RBFOX1: variants seen among roughly 807,000 people sequenced by gnomAD.
RBFOX1 encodes RNA binding fox-1 homolog 1.
A neutral mutation model predicts 57.7 loss-of-function variants in RBFOX1; 8 were observed. The ratio of observed to expected loss-of-function variants is 0.14; its 90% CI spans 0.08 to 0.25. RBFOX1 has a LOEUF of 0.25. Ranked by LOEUF, RBFOX1 falls within the 10% of genes least tolerant of loss-of-function variation. The pLI is 1.00. For synonymous variants in RBFOX1, 326 were observed against 222.4 expected (o/e 1.47, Z -4.15); for missense variants, 611 against 548.5 (o/e 1.11, Z -1.14).
intron 2 of RBFOX1, among the ~76,000 whole-genome samples, chr16:5,536,130 G>C (rs117191155): frequency 0.012 from 1,623 of 133,968 alleles, 16 homozygotes; most frequent in Non-Finnish European, 0.02. Flanking sequence ...TTATTTAACA[G>C]TTCTTACCTC....
chr16:5,526,679 G>A (rs1336878680), intron 2 of RBFOX1, among the ~76,000 whole-genome samples: 2 of 152,138 alleles, frequency 1.3e-5, no homozygotes, highest in Non-Finnish European at 1.5e-5. Context: ...GCCCAGGTCT[G>A]TTATGTTGCA....
At position 7,192,873 on chromosome 16, in the gene RBFOX1, C is replaced by G. The variant is rs537640661; in HGVS notation, c.27+140775C>G. Among the ~76,000 whole-genome samples, 3 of 152,292 alleles carry G rather than the reference C, an allele frequency of 2.0e-5. No homozygotes were observed. The South Asian group carries it at 6.2e-4, about 32-fold the overall frequency. On this transcript the variant is annotated intron_variant, in intron 4 of 15. Coordinates refer to ENST00000550418, the MANE Select transcript of RBFOX1 (RefSeq NM_018723.4). The stretch of plus-strand genomic sequence containing the variant: ...GAAGATGAAGTCCGAGGATCATGTG[C>G]TTACAACATTGTTACTTCGCCAGTC...
At chr16:6,105,580 A>G (rs1392508359) in intron 1 of RBFOX1, among the ~76,000 whole-genome samples, 1 of 152,198 alleles carries the variant, frequency 6.6e-6, no homozygotes, top group South Asian at 2.1e-4. Context: ...CTAAACTTCT[A>G]TGGTTATTTT....
At chr16:5,469,095 G>T (rs947016248) in intron 2 of RBFOX1, among the ~76,000 whole-genome samples, 11 of 152,222 alleles carry the variant, frequency 7.2e-5, no homozygotes, top group Admixed American at 2.6e-4. Flanking sequence ...GTGGGTACTA[G>T]AGCGGGCAAG....
chr16:5,779,762 G>A (rs1030609450), intron 3 of RBFOX1, among the ~76,000 whole-genome samples: 4 of 152,158 alleles, frequency 2.6e-5, no homozygotes, highest in Non-Finnish European at 5.9e-5. Flanking sequence ...AGAATACCCT[G>A]ATAATGAGGT....
intron 3 of RBFOX1, among the ~76,000 whole-genome samples, chr16:7,029,082 A>ATATATATATG (rs2041963872): frequency 1.8e-4 from 1 of 5,682 alleles, no homozygotes; most frequent in African/African-American, 9.3e-4. Flanking sequence ...ATATATATAT[A>ATATATATATG]CACACACACA....
At chr16:7,539,373 C>T (rs999444408) in intron 5 of RBFOX1, among the ~76,000 whole-genome samples, 2 of 152,098 alleles carry the variant, frequency 1.3e-5, no homozygotes, top group Non-Finnish European at 2.9e-5. Flanking sequence ...AGCCAGGTGT[C>T]CCTCATCTCT....
At chr16:6,880,099 C>T (rs190384739) in intron 3 of RBFOX1, among the ~76,000 whole-genome samples, 166 of 152,246 alleles carry the variant, frequency 1.1e-3, no homozygotes, top group Non-Finnish European at 1.9e-3. Flanking sequence ...TCCTGAGAGT[C>T]CCCTGACCTT....
intron 8 of RBFOX1, among the ~76,000 whole-genome samples, chr16:7,595,933 A>G (rs894174752): frequency 4.0e-5 from 6 of 151,586 alleles, no homozygotes; most frequent in South Asian, 2.1e-4. Flanking sequence ...TTTATAATCA[A>G]TGGGTGCAGT....
chr16:6,256,056 A>G (rs2097659276), intron 1 of RBFOX1, among the ~76,000 whole-genome samples: 1 of 149,732 alleles, frequency 6.7e-6, no homozygotes, highest in Non-Finnish European at 1.5e-5. Context: ...AGTTAAATAA[A>G]TAAGTAAATA....
chr16:5,891,382 C>A (rs777005851), intron 4 of RBFOX1, among the ~76,000 whole-genome samples: 3 of 152,168 alleles, frequency 2.0e-5, no homozygotes, highest in Non-Finnish European at 2.9e-5. Context: ...CCAAAACAAG[C>A]GCCTTCTATG....
chr16:7,015,259 C>T (rs2153662424), intron 3 of RBFOX1, among the ~76,000 whole-genome samples: 1 of 152,210 alleles, frequency 6.6e-6, no homozygotes, highest in East Asian at 1.9e-4. Flanking sequence ...TATGGGTGAG[C>T]ATATGGCCTG....
chr16:7,446,056 C>A (rs192052245), intron 4 of RBFOX1, among the ~76,000 whole-genome samples: 98 of 152,294 alleles, frequency 6.4e-4, no homozygotes, highest in African/African-American at 2.3e-3. Flanking sequence ...GCTTTGCTCC[C>A]CTGCTACTCC....
intron 1 of RBFOX1, among the ~76,000 whole-genome samples, chr16:5,311,797 G>C (rs993076002): frequency 6.6e-6 from 1 of 152,198 alleles, no homozygotes; most frequent in South Asian, 2.1e-4. Flanking sequence ...AATAATTACA[G>C]ATGCGTTGGC....
At chr16:5,801,546 G>T (rs2055056618) in intron 3 of RBFOX1, among the ~76,000 whole-genome samples, 2 of 152,128 alleles carry the variant, frequency 1.3e-5, no homozygotes, top group African/African-American at 4.8e-5. Context: ...CGCGGGAGCT[G>T]GGGTGCATGC....
chr16:5,546,715 G>T (rs1370206483), intron 2 of RBFOX1, among the ~76,000 whole-genome samples: 1 of 152,124 alleles, frequency 6.6e-6, no homozygotes, highest in Admixed American at 6.6e-5. Context: ...TCTTAGATAT[G>T]TTGCCAAAAA....
chr16:6,014,914 G>A (rs1408272200), upstream of RBFOX1, among the ~76,000 whole-genome samples: 1 of 150,842 alleles, frequency 6.6e-6, no homozygotes, highest in Admixed American at 6.6e-5. Flanking sequence ...GGAGTACAGT[G>A]GTGTGGTTGC....
intron 3 of RBFOX1, among the ~76,000 whole-genome samples, chr16:6,863,347 G>A (rs1483862302): frequency 6.6e-6 from 1 of 152,086 alleles, no homozygotes; most frequent in Non-Finnish European, 1.5e-5. Context: ...TGGCTCACCA[G>A]GAGGGTGGTG....
chr16:7,392,054 A>G (rs1397143002), intron 4 of RBFOX1, among the ~76,000 whole-genome samples: 1 of 152,164 alleles, frequency 6.6e-6, no homozygotes, highest in Non-Finnish European at 1.5e-5. Context: ...ATTTGCCACC[A>G]CAATACTTAA....
Sources: allele counts gnomAD v4.1 joint callset (sites outside exome capture counted in the v4.1 genomes callset), GRCh38; gene constraint gnomAD v4.1.1; transcripts MANE v1.5; gene names NCBI Gene and HGNC (gene_info 2026-07-23, HGNC 2026-07-21).